Variants in SEZ6L observed in about 807,000 individuals in gnomAD.
The protein encoded by SEZ6L is seizure related 6 homolog like, also known as seizure 6-like protein.
SEZ6L carries 37 observed loss-of-function variants against 106.2 expected under a neutral mutation model. That is an observed-to-expected ratio of 0.35 (90% CI 0.27 to 0.46). The LOEUF (loss-of-function observed/expected upper bound fraction) is 0.46, where lower values mean the gene tolerates loss of function less well. SEZ6L is among the 20% of genes least tolerant of loss of function. SEZ6L has a pLI of 1.00. For synonymous variants in SEZ6L, 541 were observed against 570.4 expected, an observed-to-expected ratio of 0.95 and a Z score of 0.73; for missense variants, 1,172 against 1,332.8, an observed-to-expected ratio of 0.88 and a Z score of 1.88.
Position 26,292,982 on chromosome 22 carries a change from C to T in SEZ6L, c.671C>T (p.Pro224Leu), listed in dbSNP as rs368564640. The T allele has an allele frequency of 6.2e-7, 1 of 1,613,836 alleles. No homozygotes were observed. Among genetic ancestry groups the T allele is most frequent in the African/African-American group, 1.3e-5 (1 of 74,922 alleles). ...CCCCAGAGGCCAGAACCCGGGGAGC[C>T]TGGGCCTGACATGGCCCAGGAGGCC... is the stretch of plus-strand genomic sequence containing the variant. ...TLPQRPEPGE[P>L]GPDMAQEAPQ... Residue 224 changes from proline (P) to leucine (L), a missense_variant, in exon 2 of 17, where the codon CCT becomes CTT. Transcript: ENST00000248933.
chr22:26,362,016 C>A (rs997694535), intron 12 of SEZ6L, among the ~76,000 whole-genome samples: 5 of 92,794 alleles, frequency 5.4e-5, no homozygotes, highest in Admixed American at 1.3e-4. Context: ...GTAATGCAGA[C>A]CCACCCTGCA....
chr22:26,287,335 T>C (rs928523028), intron 1 of SEZ6L, among the ~76,000 whole-genome samples: 1 of 152,180 alleles, frequency 6.6e-6, no homozygotes, highest in African/African-American at 2.4e-5. Context: ...AGGGGCCAAA[T>C]CTTAGAATGT....
chr22:26,312,785 G>C (rs2081880651), intron 8 of SEZ6L, among the ~76,000 whole-genome samples: 1 of 152,188 alleles, frequency 6.6e-6, no homozygotes, highest in African/African-American at 2.4e-5. Context: ...AGCCAGGCTG[G>C]TCTCGAACTC....
intron 1 of SEZ6L, among the ~76,000 whole-genome samples, chr22:26,175,120 T>A (rs751959156): frequency 6.6e-6 from 1 of 152,156 alleles, no homozygotes; most frequent in Non-Finnish European, 1.5e-5. Flanking sequence ...ATTCTGATGG[T>A]TCATAGGAAG....
At chr22:26,306,443 A>G (rs113666772) in intron 6 of SEZ6L, among the ~76,000 whole-genome samples, 113 of 152,296 alleles carry the variant, frequency 7.4e-4, no homozygotes, top group Middle Eastern at 3.4e-3. Context: ...TTGCAGTTGA[A>G]CAAAAAGAGA....
At chr22:26,271,804 C>T (rs532084823) in intron 1 of SEZ6L, among the ~76,000 whole-genome samples, 47 of 152,310 alleles carry the variant, frequency 3.1e-4, no homozygotes, top group Middle Eastern at 3.4e-3. Context: ...TTCTAAACTA[C>T]CCAGCCTTGG....
intron 1 of SEZ6L, among the ~76,000 whole-genome samples, chr22:26,205,047 A>G (rs972301201): frequency 1.3e-5 from 2 of 152,182 alleles, no homozygotes; most frequent in East Asian, 1.9e-4. Flanking sequence ...GTTCCCTTTC[A>G]TCCTTGTTTT....
At chr22:26,307,883 A>T (rs994854594) in intron 6 of SEZ6L, among the ~76,000 whole-genome samples, 2 of 152,194 alleles carry the variant, frequency 1.3e-5, no homozygotes, top group Admixed American at 6.5e-5. Flanking sequence ...AAGTTGTTTA[A>T]GTCCTGACAA....
At chr22:26,222,154 G>A (rs539242756) in intron 1 of SEZ6L, among the ~76,000 whole-genome samples, 6 of 152,078 alleles carry the variant, frequency 3.9e-5, no homozygotes, top group East Asian at 3.9e-4. Context: ...AGAAACTCTC[G>A]AGTTATAACC....
chr22:26,299,769 C>A (rs6004990), intron 5 of SEZ6L, among the ~76,000 whole-genome samples: 69,251 of 152,064 alleles, frequency 0.46, 17,035 homozygotes, highest in African/African-American at 0.62. Context: ...CTATTATGAA[C>A]AATGCTGCTG....
At chr22:26,215,923 C>G (rs559543552) in intron 1 of SEZ6L, among the ~76,000 whole-genome samples, 25 of 152,212 alleles carry the variant, frequency 1.6e-4, no homozygotes, top group Non-Finnish European at 3.2e-4. Flanking sequence ...GCTCGCTTTG[C>G]AAGGCACTGA....
rs1322222567 is a variant in SEZ6L at position 26,377,681 on chromosome 22, A to G, written c.2951A>G (p.Tyr984Cys). 1.5e-5 allele frequency: 24 copies of G among 1,613,058 alleles called. No homozygotes were observed. The highest frequency in any genetic ancestry group is 2.0e-5 in the Non-Finnish European group (23 of 1,179,242). ...GAYIYITRCR[Y>C]YSNLRLPLMY... Reference sequence around the variant, plus strand: ...TCCTTTCTTTCCCCCAGATGTCGCTACTATTCCAACCTCCGCCTGCCTCTG... The same window carrying G: ...TCCTTTCTTTCCCCCAGATGTCGCTGCTATTCCAACCTCCGCCTGCCTCTG... Residue 984 changes from tyrosine (Y) to cysteine (C), a missense_variant, in exon 16 of 17, where the codon TAC becomes TGC. Coordinates refer to ENST00000248933, the MANE Select transcript of SEZ6L (RefSeq NM_021115.5).
chr22:26,196,893 T>G (rs544192124), intron 1 of SEZ6L, among the ~76,000 whole-genome samples: 58 of 152,310 alleles, frequency 3.8e-4, no homozygotes, highest in Non-Finnish European at 7.4e-4. Flanking sequence ...AGATGGTACC[T>G]TTGCCGCAAT....
intron 1 of SEZ6L, among the ~76,000 whole-genome samples, chr22:26,203,634 T>C (rs545556555): frequency 6.6e-6 from 1 of 152,328 alleles, no homozygotes; most frequent in Admixed American, 6.5e-5. Flanking sequence ...AGGCATCATC[T>C]TCTCATTTAA....
chr22:26,374,842 C>T (rs538299153), intron 14 of SEZ6L, among the ~76,000 whole-genome samples: 1 of 152,298 alleles, frequency 6.6e-6, no homozygotes, highest in South Asian at 2.1e-4. Context: ...ATAGTTCTTG[C>T]AATTGCCACA....
At chr22:26,201,794 A>G (rs2145680243) in intron 1 of SEZ6L, among the ~76,000 whole-genome samples, 1 of 152,340 alleles carries the variant, frequency 6.6e-6, no homozygotes, top group East Asian at 1.9e-4. Context: ...TAATACCTCC[A>G]AAAACATTTT....
chr22:26,369,357 T>TTTTTTTTTTTTTTTTTTTTTTTAG, intron 13 of SEZ6L, among the ~76,000 whole-genome samples: 1 of 130,514 alleles, frequency 7.7e-6, no homozygotes, highest in African/African-American at 2.9e-5. Flanking sequence ...TTTTTTTTTT[T>TTTTTTTTTTTTTTTTTTTTTTTAG]GAGACAGATT....
rs547771552 is a variant in SEZ6L at position 26,213,570 on chromosome 22, C to G, written c.94+43807C>G. Among the ~76,000 whole-genome samples the G allele has an allele frequency of 9.8e-5, 15 of 152,292 alleles. No individual in the cohort carries two copies. The South Asian group carries it at 2.5e-3, about 25-fold the overall frequency. ...GGGCTATCCCTGCAAGTTAACAACC[C>G]CTGGTTACTTTTATTTATTTTCTTC... On this transcript the variant is annotated intron_variant, in intron 1 of 16. Transcript: ENST00000248933.
At chr22:26,196,063 T>C (rs1033887211) in intron 1 of SEZ6L, among the ~76,000 whole-genome samples, 5 of 152,116 alleles carry the variant, frequency 3.3e-5, no homozygotes, top group East Asian at 1.9e-4. Context: ...ATGTTGGAAA[T>C]TGAGTTGGTG....
Sources: allele counts gnomAD v4.1 joint callset (sites outside exome capture counted in the v4.1 genomes callset), GRCh38; gene constraint gnomAD v4.1.1; transcripts MANE v1.5; gene names NCBI Gene and HGNC (gene_info 2026-07-23, HGNC 2026-07-21).